Variants in PRKAR2A observed in about 807,000 individuals in gnomAD.
The protein encoded by PRKAR2A is cAMP-dependent protein kinase type II-alpha regulatory subunit.
Under a neutral mutation model 51.9 loss-of-function variants are expected in PRKAR2A, and 29 were observed. That is an observed-to-expected ratio of 0.56 (90% CI 0.42 to 0.76). The LOEUF (loss-of-function observed/expected upper bound fraction) is 0.76, where lower values mean the gene tolerates loss of function less well. Ranked by LOEUF, PRKAR2A falls within the 30% of genes least tolerant of loss-of-function variation. The pLI, the probability that PRKAR2A is intolerant of heterozygous loss-of-function variation, is 0.00. For synonymous variants in PRKAR2A, 178 were observed against 186.2 expected, an observed-to-expected ratio of 0.96 and a Z score of 0.36; for missense variants, 445 against 512.1, an observed-to-expected ratio of 0.87 and a Z score of 1.26.
At chr3:48,752,037 C>T in intron 10 of PRKAR2A, 139 bp downstream of exon 10, 1 of 958,820 alleles carries the variant, frequency 1.0e-6, no homozygotes, top group Non-Finnish European at 1.5e-6. Context: ...AGCATCCATT[C>T]ATCCATCTCT....
rs1188004964 is a variant in PRKAR2A at position 48,847,857 on chromosome 3, G to A, written c.-261C>T. The A allele has an allele frequency of 1.8e-5, 6 of 336,486 alleles. No individual in the cohort carries two copies. Among genetic ancestry groups the A allele is most frequent in the Non-Finnish European group, 3.2e-5 (6 of 188,106 alleles). 20.8% of individuals were successfully genotyped at this position (336,486 alleles called of 1,614,324 possible). A position where few individuals can be genotyped will look rare whatever the true frequency, so the allele number is the denominator to read the frequency against. On this transcript the variant is annotated 5_prime_UTR_variant, in exon 1 of 11. Transcript: ENST00000265563. The surrounding 1 kb of genome is among the most constrained non-coding windows in gnomAD (Gnocchi z 4.4). The stretch of plus-strand genomic sequence containing the variant: ...ACGGGCAGGCGAGCTGGACGGGCGG[G>A]GCAGGCGTCCTGGTTGTGACGCACG...
intron 2 of PRKAR2A, among the ~76,000 whole-genome samples, chr3:48,802,164 T>C (rs2082600798): frequency 6.6e-6 from 1 of 152,158 alleles, no homozygotes; most frequent in African/African-American, 2.4e-5. Flanking sequence ...TGTCTCGGCC[T>C]CCCAAAGTGT....
At chr3:48,778,152 C>T (rs911689997) in intron 5 of PRKAR2A, among the ~76,000 whole-genome samples, 1 of 152,100 alleles carries the variant, frequency 6.6e-6, no homozygotes, top group Non-Finnish European at 1.5e-5. Flanking sequence ...TTTACTTGAA[C>T]GACAATCTTT....
chr3:48,822,957 A>C (rs1055745678), intron 1 of PRKAR2A, among the ~76,000 whole-genome samples: 1 of 152,214 alleles, frequency 6.6e-6, no homozygotes, highest in Non-Finnish European at 1.5e-5. Flanking sequence ...TTGGAATCAC[A>C]AATATTTTAA....
At chr3:48,843,311 T>C (rs972408095) in intron 1 of PRKAR2A, among the ~76,000 whole-genome samples, 4 of 152,154 alleles carry the variant, frequency 2.6e-5, no homozygotes, top group Non-Finnish European at 5.9e-5. Flanking sequence ...TTTTCTTTAT[T>C]AGTCTTGCTA....
At chr3:48,781,420 TA>T (rs372265771) in intron 5 of PRKAR2A, among the ~76,000 whole-genome samples, 90 of 151,168 alleles carry the variant, frequency 6.0e-4, no homozygotes, top group African/African-American at 2.0e-3. Context: ...TGGCTCACTG[TA>T]ACCTCCACCT....
intron 1 of PRKAR2A, among the ~76,000 whole-genome samples, chr3:48,811,462 A>C (rs554356966): frequency 6.6e-6 from 1 of 152,326 alleles, no homozygotes; most frequent in South Asian, 2.1e-4. Flanking sequence ...GTGACAGAGC[A>C]AAAGACCCTG....
intron 3 of PRKAR2A, among the ~76,000 whole-genome samples, chr3:48,791,219 G>T (rs1168701999): frequency 6.9e-6 from 1 of 144,674 alleles, no homozygotes; most frequent in Non-Finnish European, 1.5e-5. Context: ...CCATGGAGTC[G>T]GAGGTTGCAG....
rs1022334951 is a variant in PRKAR2A at position 48,751,244 on chromosome 3, A to G, written c.*341T>C. ...AACTTCCAAAAGCAAGAGTAGCAGC[A>G]AGAGAGGAAAGGAGCATGTTTATAC... On this transcript the variant is annotated 3_prime_UTR_variant, in exon 11 of 11. Transcript: ENST00000265563. 2.1e-6 allele frequency: 1 copy of G among 478,824 alleles called. No individual in the cohort carries two copies. Among genetic ancestry groups the G allele is most frequent in the Non-Finnish European group, 4.1e-6 (1 of 242,178 alleles). The allele number at this position is 478,824 out of a possible 1,614,324, so 29.7% of individuals were successfully genotyped here.
Position 48,751,594 on chromosome 3 carries a change from G to C in PRKAR2A, c.1206C>G (p.Leu402=). 1 of 1,611,974 alleles carries C rather than the reference G, an allele frequency of 6.2e-7. No homozygotes were observed. The highest frequency in any genetic ancestry group is 8.5e-7 in the Non-Finnish European group (1 of 1,178,756). The stretch of plus-strand genomic sequence containing the variant: ...CTGGGGTGTGGCACACCTACTGCCC[G>C]AGGTTGCCCAGATCCACGCTGGAGC... ...MFGSSVDLGN[L]GQ is the part of the protein sequence containing the mutation. The change falls in exon 11 of 11, where the codon CTC becomes CTG. Residue 402 remains leucine, a synonymous_variant. Coordinates refer to ENST00000265563, the MANE Select transcript of PRKAR2A (RefSeq NM_004157.4).
intron 1 of PRKAR2A, among the ~76,000 whole-genome samples, chr3:48,816,598 A>G (rs889162638): frequency 6.6e-6 from 1 of 152,100 alleles, no homozygotes; most frequent in Non-Finnish European, 1.5e-5. Context: ...AGATCGCACC[A>G]CTGCACTCCA....
intron 1 of PRKAR2A, among the ~76,000 whole-genome samples, chr3:48,844,336 A>G (rs2083425752): frequency 6.6e-6 from 1 of 151,526 alleles, no homozygotes; most frequent in East Asian, 1.9e-4. Context: ...GTCTGGAAAC[A>G]ACAGGTGCTG....
intron 4 of PRKAR2A, among the ~76,000 whole-genome samples, chr3:48,787,039 A>C (rs915175637): frequency 2.0e-5 from 3 of 152,194 alleles, no homozygotes; most frequent in Non-Finnish European, 2.9e-5. Flanking sequence ...AAAGACAAGT[A>C]AAGACTGAAA....
chr3:48,821,600 A>G (rs2082961466), intron 1 of PRKAR2A, among the ~76,000 whole-genome samples: 1 of 152,220 alleles, frequency 6.6e-6, no homozygotes, highest in African/African-American at 2.4e-5. Context: ...CACACCCTTG[A>G]AAGACAGTCA....
intron 1 of PRKAR2A, among the ~76,000 whole-genome samples, chr3:48,816,632 A>G (rs993679629): frequency 6.6e-6 from 1 of 152,056 alleles, no homozygotes; most frequent in Admixed American, 6.6e-5. Context: ...GAGAGACTCC[A>G]TCTCAAAAAA....
chr3:48,835,514 G>A (rs1575953553), intron 1 of PRKAR2A, among the ~76,000 whole-genome samples: 1 of 151,726 alleles, frequency 6.6e-6, no homozygotes, highest in Non-Finnish European at 1.5e-5. Flanking sequence ...GGTGGCAGAC[G>A]CCTGTAGTCC....
At chr3:48,766,001 G>C (rs2081935218) in intron 6 of PRKAR2A, among the ~76,000 whole-genome samples, 1 of 151,892 alleles carries the variant, frequency 6.6e-6, no homozygotes, top group Non-Finnish European at 1.5e-5. Context: ...TGGGCAAATT[G>C]CTTGAGCCCA....
intron 6 of PRKAR2A, among the ~76,000 whole-genome samples, chr3:48,769,048 C>T (rs1454266046): frequency 1.3e-5 from 2 of 151,300 alleles, no homozygotes; most frequent in Non-Finnish European, 2.9e-5. Context: ...TGCAGTGAGC[C>T]GAGATAATGC....
intron 1 of PRKAR2A, among the ~76,000 whole-genome samples, chr3:48,825,311 ATTTTCT>A (rs1291686599): frequency 6.7e-6 from 1 of 148,912 alleles, no homozygotes; most frequent in Non-Finnish European, 1.5e-5. Flanking sequence ...ACCCGGCCTG[ATTTTCT>A]TTTTCTAAGA....
Sources: allele counts gnomAD v4.1 joint callset (sites outside exome capture counted in the v4.1 genomes callset), GRCh38; gene constraint gnomAD v4.1.1; non-coding constraint Gnocchi (gnomAD v3.1); transcripts MANE v1.5; gene names NCBI Gene and HGNC (gene_info 2026-07-23, HGNC 2026-07-21).